HAPLN2: variants seen among roughly 807,000 people sequenced by gnomAD.
HAPLN2 encodes the protein brain link protein-1.
A neutral mutation model predicts 29.3 loss-of-function variants in HAPLN2; 27 were observed. The ratio of observed to expected loss-of-function variants is 0.92; its 90% CI spans 0.68 to 1.27. The LOEUF (loss-of-function observed/expected upper bound fraction) is 1.27, where lower values mean the gene tolerates loss of function less well. HAPLN2 is among the 50% of genes most tolerant of loss of function. The pLI is 0.00. For synonymous variants in HAPLN2, 208 were observed against 211.7 expected, an observed-to-expected ratio of 0.98 and a Z score of 0.15; for missense variants, 454 against 484.3, an observed-to-expected ratio of 0.94 and a Z score of 0.59.
At position 156,624,362 on chromosome 1, in the gene HAPLN2, C is replaced by A. The variant is rs750476459; in HGVS notation, c.451C>A (p.Pro151Thr). 1.9e-6 allele frequency: 3 copies of A among 1,603,932 alleles called. No homozygotes were observed. Among genetic ancestry groups the A allele is most frequent in the South Asian group, 1.1e-5 (1 of 89,266 alleles). Residue 151 changes from proline (P) to threonine (T), a missense_variant, in exon 5 of 7, where the codon CCG becomes ACG. This residue lies in a region of HAPLN2 where 204 missense variants were observed against 209.2 expected (regional missense o/e 0.98). Transcript: ENST00000255039. The part of the protein sequence containing the change: ...LTLSLEGVVF[P>T]YQPSRGRYQF... ...CCGCCACCCCCTAGGTGTGGTGTTT[C>A]CGTACCAACCCAGCCGGGGCCGGTA...
chr1:156,623,037 A>AAAAAAAAAAAAAAAT (rs551908025), intron 2 of HAPLN2, among the ~76,000 whole-genome samples: 3 of 111,432 alleles, frequency 2.7e-5, no homozygotes, highest in South Asian at 7.1e-4. Flanking sequence ...CTGTCTCAAA[A>AAAAAAAAAAAAAAAT]AAATAAATAA....
upstream of HAPLN2, chr1:156,614,930 T>C (rs1256512474): frequency 6.6e-6 from 1 of 152,234 alleles, no homozygotes. Flanking sequence ...ATTTGCCTTT[T>C]ACTGTTCCTT....
the HAPLN2 span, among the ~76,000 whole-genome samples, chr1:156,612,979 A>T: frequency 6.6e-6 from 1 of 152,218 alleles, no homozygotes; most frequent in Non-Finnish European, 1.5e-5. Context: ...TGAACTCATT[A>T]ATGAGAGAAC....
intron 2 of HAPLN2, among the ~76,000 whole-genome samples, chr1:156,622,860 C>A (rs12042428): frequency 2.0e-5 from 3 of 151,392 alleles, no homozygotes; most frequent in Non-Finnish European, 2.9e-5. Flanking sequence ...GACCTTGTCT[C>A]TACTAAAAAC....
the HAPLN2 span, among the ~76,000 whole-genome samples, chr1:156,608,564 A>T: frequency 7.9e-5 from 12 of 151,086 alleles, no homozygotes; most frequent in Admixed American, 7.9e-4. Context: ...TTTTTTAAAG[A>T]CAGAGTCGCA....
intron 3 of HAPLN2, 92 bp from the exon 4 acceptor site, chr1:156,623,715 G>C (rs1678333397): frequency 6.7e-7 from 1 of 1,491,596 alleles, no homozygotes; most frequent in African/African-American, 1.4e-5. Context: ...GGGTTGGGGG[G>C]CTCTGGAGAA....
upstream of HAPLN2, among the ~76,000 whole-genome samples, chr1:156,618,643 G>C (rs1678123418): frequency 1.3e-5 from 2 of 152,040 alleles, no homozygotes; most frequent in South Asian, 4.1e-4. Context: ...GCCGGGTGTG[G>C]TGGTGGGTGC....
upstream of HAPLN2, among the ~76,000 whole-genome samples, chr1:156,616,672 G>GTCCAAGGAGACAGGGGGCTATTT (rs967680033): frequency 1.8e-4 from 28 of 152,320 alleles, no homozygotes; most frequent in Non-Finnish European, 3.8e-4. Context: ...AGGGTGTCCT[G>GTCCAAGGAGACAGGGGGCTATTT]TCCAAGGAGA....
chr1:156,620,436 A>C (rs1436813586), intron 2 of HAPLN2, among the ~76,000 whole-genome samples: 1 of 152,106 alleles, frequency 6.6e-6, no homozygotes, highest in Non-Finnish European at 1.5e-5. Context: ...TATACATGTA[A>C]AGTGCTTAGA....
rs775220177 is a variant in HAPLN2 at position 156,623,935 on chromosome 1, A to T, written c.214A>T (p.Lys72Ter). The change falls in exon 4 of 7, where the codon AAG becomes TAG. Residue 72 changes from lysine to a stop codon, truncating the protein, a stop_gained. Coordinates refer to ENST00000255039, the MANE Select transcript of HAPLN2 (RefSeq NM_021817.3). LOFTEE classifies it high-confidence loss of function. Reference protein sequence around the residue: ...TPPSYKVRWSKVEPGELRETL... With the variant: ...TPPSYKVRWS ...TCCCAGCTACAAGGTGCGCTGGAGC[A>T]AGGTGGAGCCTGGGGAGCTCCGGGA... The T allele has an allele frequency of 1.2e-6, 2 of 1,607,792 alleles. No homozygotes were observed. Among genetic ancestry groups the T allele is most frequent in the Non-Finnish European group, 1.7e-6 (2 of 1,177,160 alleles).
chr1:156,606,809 C>T, the HAPLN2 span, among the ~76,000 whole-genome samples: 2 of 152,084 alleles, frequency 1.3e-5, no homozygotes, highest in Admixed American at 1.3e-4. Flanking sequence ...GATACCTGAT[C>T]ACCCTTGATA....
rs1488510612 is a variant in HAPLN2, at chr1:156,625,185, T to C, written c.824T>C (p.Val275Ala). Residue 275 changes from valine (V) to alanine (A), a missense_variant, in exon 7 of 7, where the codon GTT becomes GCT. Transcript: ENST00000255039. The surrounding 1 kb of genome is among the most constrained non-coding windows in gnomAD (Gnocchi z 5.7). ...CGACGCGGCGCCGTGGTGGCCAAGG[T>C]TGGGCACCTCTACGCCGCCTGGAAG... is the stretch of plus-strand genomic sequence containing the variant. ...CRRRGAVVAK[V>A]GHLYAAWKFS... The C allele has an allele frequency of 1.9e-6, 3 of 1,549,966 alleles. No homozygotes were observed. Among genetic ancestry groups the C allele is most frequent in the East Asian group, 2.4e-5 (1 of 41,162 alleles).
chr1:156,624,890 A>G (rs991240537), intron 6 of HAPLN2, 107 bp downstream of exon 6: 4 of 1,330,308 alleles, frequency 3.0e-6, no homozygotes, highest in Middle Eastern at 2.7e-4. Context: ...GGTCCCTCCA[A>G]GGCACCGCCC....
At chr1:156,619,029 A>G (rs1050350827), upstream of HAPLN2, among the ~76,000 whole-genome samples, 1 of 151,946 alleles carries the variant, frequency 6.6e-6, no homozygotes, top group African/African-American at 2.4e-5. Context: ...CATCTCTCCT[A>G]TTGCAATGCT....
At chr1:156,621,956 G>GA (rs1018015660) in intron 2 of HAPLN2, among the ~76,000 whole-genome samples, 35 of 137,838 alleles carry the variant, frequency 2.5e-4, no homozygotes, top group East Asian at 4.2e-4. Flanking sequence ...ACTCCATCTA[G>GA]AAAAAAAAAA....
chr1:156,623,982 C>T lies in HAPLN2; in HGVS notation c.261C>T (p.Asn87=). ...ELRETLILIT[N]GLHARGYGPL... ...GGGAAACGCTGATCCTCATCACCAA[C>T]GGACTGCACGCCCGGGGGTATGGGC... is the stretch of plus-strand genomic sequence containing the variant. Residue 87 remains asparagine (N), a synonymous_variant, in exon 4 of 7, where the codon AAC becomes AAT. Coordinates refer to ENST00000255039, the MANE Select transcript of HAPLN2 (RefSeq NM_021817.3). The T allele has an allele frequency of 6.2e-7, 1 of 1,607,752 alleles. No homozygotes were observed. Among genetic ancestry groups the T allele is most frequent in the African/African-American group, 1.3e-5 (1 of 74,972 alleles).
At chr1:156,603,666 A>G in the HAPLN2 span, among the ~76,000 whole-genome samples, 1 of 152,142 alleles carries the variant, frequency 6.6e-6, no homozygotes, top group African/African-American at 2.4e-5. Flanking sequence ...CTTAATGGCC[A>G]TAAATCTTTG....
chr1:156,608,845 T>C, the HAPLN2 span, among the ~76,000 whole-genome samples: 1 of 152,216 alleles, frequency 6.6e-6, no homozygotes, highest in East Asian at 1.9e-4. Context: ...AGGGTGCAGG[T>C]TTCAAGGTAG....
Position 156,625,472 on chromosome 1 carries a change from C to T in HAPLN2, c.*88C>T. 8.9e-6 allele frequency: 12 copies of T among 1,349,260 alleles called. No homozygotes were observed. Among genetic ancestry groups the T allele is most frequent in the Non-Finnish European group, 1.2e-5 (12 of 1,007,254 alleles). The allele number at this position is 1,349,260 out of a possible 1,614,324, so 83.6% of individuals were successfully genotyped here. A position where few individuals can be genotyped will look rare whatever the true frequency, so the allele number is the denominator to read the frequency against. On this transcript the variant is annotated 3_prime_UTR_variant, in exon 7 of 7. Transcript: ENST00000255039. The surrounding 1 kb of genome is among the most constrained non-coding windows in gnomAD (Gnocchi z 5.7). The stretch of plus-strand genomic sequence containing the variant: ...GCCACCCCTTTCCGGAGAGCCTCCC[C>T]TCCCTCCAGACCCGGAGCGGCCTCT...
Sources: gnomAD v4.1 joint callset for allele counts (sites outside exome capture counted in the v4.1 genomes callset) on GRCh38, gnomAD v4.1.1 for gene constraint, gnomAD v4.1.1 regional missense constraint, Gnocchi (gnomAD v3.1) non-coding constraint, MANE v1.5 for transcripts, NCBI Gene and HGNC (gene_info 2026-07-23, HGNC 2026-07-21) for gene names.